MYOM1: variants seen among roughly 807,000 people sequenced by gnomAD.
MYOM1 encodes myomesin 1.
In MYOM1, 164 loss-of-function variants were observed where a neutral mutation model predicts 205.3. The observed-to-expected ratio is 0.80, with a 90% CI of 0.70 to 0.91. MYOM1 has a LOEUF of 0.91. MYOM1 is among the 40% of genes least tolerant of loss of function. MYOM1 has a pLI of 0.00. For synonymous variants in MYOM1, 772 were observed against 789.4 expected (o/e 0.98, Z 0.37); for missense variants, 2,011 against 2,127.3 (o/e 0.95, Z 1.08).
At chr18:3,185,680 T>G (rs1439627590) in intron 5 of MYOM1, among the ~76,000 whole-genome samples, 1 of 152,326 alleles carries the variant, frequency 6.6e-6, no homozygotes, top group South Asian at 2.1e-4. Context: ...AGCTTGTAAA[T>G]TGATTTTTTT....
intron 19 of MYOM1, among the ~76,000 whole-genome samples, chr18:3,126,288 G>T (rs756852480): frequency 4.4e-4 from 63 of 142,506 alleles, no homozygotes; most frequent in Non-Finnish European, 7.8e-4. Context: ...AAAAAAGAAA[G>T]TTAAAAATCC....
intron 21 of MYOM1, 84 bp from the exon 22 acceptor site, chr18:3,112,496 CTG>C: frequency 4.9e-6 from 5 of 1,024,154 alleles, no homozygotes; most frequent in Non-Finnish European, 7.0e-6. Context: ...GGCTCTTCCT[CTG>C]TAGTAATGAT....
chr18:3,150,485 T>C (rs1471391617), intron 12 of MYOM1, among the ~76,000 whole-genome samples: 1 of 152,138 alleles, frequency 6.6e-6, no homozygotes, highest in African/African-American at 2.4e-5. Flanking sequence ...TTAGGTGACA[T>C]TTGGTAGTGT....
Position 3,112,425 on chromosome 18 carries a change from G to A in MYOM1, c.3304-13C>T. 6.3e-7 allele frequency: 1 copy of A among 1,578,468 alleles called. No individual in the cohort carries two copies. Among genetic ancestry groups the A allele is most frequent in the Non-Finnish European group, 8.6e-7 (1 of 1,158,188 alleles). On this transcript the variant is annotated splice_polypyrimidine_tract_variant and intron_variant, in intron 21 of 37. Coordinates refer to ENST00000356443, the MANE Select transcript of MYOM1 (RefSeq NM_003803.4). ...TGAGGCCTCGAACCTGGTAGAAGCA[G>A]GTGTAGAAGCAATGGGTGTTTGATG...
chr18:3,202,881 AG>A (rs1306309590), intron 2 of MYOM1, among the ~76,000 whole-genome samples: 1 of 152,064 alleles, frequency 6.6e-6, no homozygotes, highest in Admixed American at 6.5e-5. Context: ...ATTCTCAAGG[AG>A]GGTTCATATG....
chr18:3,070,958 C>T (rs2143618486), intron 37 of MYOM1, among the ~76,000 whole-genome samples: 1 of 151,986 alleles, frequency 6.6e-6, no homozygotes, highest in Admixed American at 6.6e-5. Context: ...GGGGTTTCGT[C>T]GTGTTGCCCA....
In MYOM1 at chr18:3,168,600, C is replaced by T. The variant is rs75692216; in HGVS notation, c.1339+217G>A. 2.8e-3 allele frequency among the ~76,000 whole-genome samples: 434 copies of T among 152,316 alleles called. 4 individuals are homozygous for T. Among genetic ancestry groups the T allele is most frequent in the African/African-American group, 9.9e-3 (412 of 41,556 alleles). On this transcript the variant is annotated intron_variant, in intron 9 of 37. Coordinates refer to ENST00000356443, the MANE Select transcript of MYOM1 (RefSeq NM_003803.4). Reference sequence around the variant, plus strand: ...CACCACGCCCAGCAGAATATACATTCTTTATGATTCTTTCCACATCTTACT... The same window carrying T: ...CACCACGCCCAGCAGAATATACATTTTTTATGATTCTTTCCACATCTTACT...
At chr18:3,085,776 G>T (rs28406273) in intron 30 of MYOM1, among the ~76,000 whole-genome samples, 5,324 of 152,244 alleles carry the variant, frequency 0.035, 333 homozygotes, top group African/African-American at 0.12. Context: ...CACAAATGAA[G>T]AATGATCCAC....
At chr18:3,163,808 TTTTTC>T (rs1304699061) in intron 10 of MYOM1, among the ~76,000 whole-genome samples, 1 of 151,664 alleles carries the variant, frequency 6.6e-6, no homozygotes, top group Non-Finnish European at 1.5e-5. Flanking sequence ...AAGAATTTCC[TTTTTC>T]TTTTCTTTCT....
At chr18:3,239,383 T>C in the MYOM1 span, among the ~76,000 whole-genome samples, 15 of 152,194 alleles carry the variant, frequency 9.9e-5, no homozygotes, top group South Asian at 1.2e-3. Flanking sequence ...AGCAGCAAGG[T>C]TGTCAACTGA....
chr18:3,129,109 A>G, intron 18 of MYOM1, 123 bp downstream of exon 18: 1 of 1,269,148 alleles, frequency 7.9e-7, no homozygotes, highest in Non-Finnish European at 1.1e-6. Context: ...GGCTAGCTGA[A>G]AACACATACA....
In MYOM1 at chr18:3,209,837, T is replaced by C. The variant is rs769171148; in HGVS notation, c.290+5097A>G. On this transcript the variant is annotated intron_variant, in intron 2 of 37. Transcript: ENST00000356443. The surrounding 1 kb of genome is among the most constrained non-coding windows in gnomAD (Gnocchi z 4.0). ...CTCTCTTACCCTGCTCTGTTTCTTA[T>C]TGTTTCTATAACATGTATTACCTTC... 6.6e-6 allele frequency among the ~76,000 whole-genome samples: 1 copy of C among 152,256 alleles called. No homozygotes were observed. Among genetic ancestry groups the C allele is most frequent in the Non-Finnish European group, 1.5e-5 (1 of 68,046 alleles).
rs1220284942 is a variant in MYOM1, at chr18:3,135,519, G to T, written c.2209+28C>A. On this transcript the variant is annotated intron_variant, in intron 15 of 37. Coordinates refer to ENST00000356443, the MANE Select transcript of MYOM1 (RefSeq NM_003803.4). The surrounding 1 kb of genome is among the most constrained non-coding windows in gnomAD (Gnocchi z 4.1). ...GATCCTTGCTTTGAAATTTTCTCTTGAAGTAAAAGAAGTTTACAGTTGCTT... is the reference window on the plus strand; with the variant it reads ...GATCCTTGCTTTGAAATTTTCTCTTTAAGTAAAAGAAGTTTACAGTTGCTT... 1 of 1,596,020 alleles carries T rather than the reference G, an allele frequency of 6.3e-7. No individual in the cohort carries two copies. The highest frequency in any genetic ancestry group is 1.7e-5 in the Admixed American group (1 of 57,712).
the MYOM1 span, among the ~76,000 whole-genome samples, chr18:3,229,173 C>T: frequency 7.9e-5 from 12 of 152,242 alleles, no homozygotes; most frequent in African/African-American, 1.2e-4. Flanking sequence ...TTTAGCCTCT[C>T]GGGCTCTTGT....
At chr18:3,223,114 C>A (rs1388907060), upstream of MYOM1, among the ~76,000 whole-genome samples, 1 of 152,184 alleles carries the variant, frequency 6.6e-6, no homozygotes, top group Non-Finnish European at 1.5e-5. Flanking sequence ...CTCCTGAGTT[C>A]AAGCAATCTG....
At chr18:3,231,274 C>T in the MYOM1 span, among the ~76,000 whole-genome samples, 3 of 152,190 alleles carry the variant, frequency 2.0e-5, no homozygotes, top group African/African-American at 7.2e-5. Flanking sequence ...GTCAAAGAGG[C>T]TGAATCAAGG....
intron 5 of MYOM1, among the ~76,000 whole-genome samples, chr18:3,185,994 G>T (rs1287635566): frequency 6.6e-6 from 1 of 152,086 alleles, no homozygotes; most frequent in African/African-American, 2.4e-5. Context: ...TCAGGAGTTC[G>T]AGACCAGCCT....
chr18:3,193,076 C>G (rs186460099), intron 3 of MYOM1, among the ~76,000 whole-genome samples: 1 of 151,700 alleles, frequency 6.6e-6, no homozygotes, highest in African/African-American at 2.4e-5. Flanking sequence ...CAAGACCAAC[C>G]TGGGCGATAT....
intron 2 of MYOM1, among the ~76,000 whole-genome samples, chr18:3,211,725 G>A (rs1265063246): frequency 1.3e-5 from 2 of 152,138 alleles, no homozygotes; most frequent in Admixed American, 1.3e-4. Flanking sequence ...AACACAATTG[G>A]TAACTGATCT....
Sources: allele counts gnomAD v4.1 joint callset (sites outside exome capture counted in the v4.1 genomes callset), GRCh38; gene constraint gnomAD v4.1.1; non-coding constraint Gnocchi (gnomAD v3.1); transcripts MANE v1.5; gene names NCBI Gene and HGNC (gene_info 2026-07-23, HGNC 2026-07-21).